Variants in IQCK observed in about 807,000 individuals in gnomAD.
The protein encoded by IQCK is IQ domain-containing protein K.
A neutral mutation model predicts 28.1 loss-of-function variants in IQCK; 29 were observed. The observed-to-expected ratio is 1.03, with a 90% CI of 0.77 to 1.41. IQCK has a LOEUF of 1.41. Ranked by LOEUF, IQCK falls within the 40% of genes most tolerant of loss-of-function variation. IQCK has a pLI of 0.00. For synonymous variants in IQCK, 113 were observed against 115.1 expected (o/e 0.98, Z 0.12); for missense variants, 359 against 314.7 (o/e 1.14, Z -1.07).
At chr16:19,763,864 T>C (rs918228017) in exon 5 of IQCK, 1 of 1,613,658 alleles carries the variant, frequency 6.2e-7, no homozygotes, top group Non-Finnish European at 8.5e-7. Flanking sequence ...AGAACCAAAT[T>C]CATTGCCTGT....
intron 7 of IQCK, among the ~76,000 whole-genome samples, chr16:19,804,271 G>A (rs2055803729): frequency 6.6e-6 from 1 of 151,960 alleles, no homozygotes; most frequent in South Asian, 2.1e-4. Flanking sequence ...TTGAACCTGG[G>A]AGACAGAGGT....
intron 6 of IQCK, chr16:19,765,824 C>A (rs2055226245): frequency 6.6e-6 from 1 of 152,062 alleles, no homozygotes. Flanking sequence ...TTTTCTAAGA[C>A]AAGCTTCTTT....
chr16:19,764,034 G>A lies in IQCK; in HGVS notation c.528-1G>A. On this transcript the variant is annotated splice_acceptor_variant, in intron 5 of 7. Transcript: ENST00000564186. LOFTEE classifies it high-confidence loss of function. ...AATCAAACATATGGCATCATGACCA[G>A]CCAAAATCCAAAGAGGGCAGGGGAG... The A allele has an allele frequency of 6.2e-7, 1 of 1,613,878 alleles. No individual in the cohort carries two copies. The highest frequency in any genetic ancestry group is 8.5e-7 in the Non-Finnish European group (1 of 1,179,802).
chr16:19,746,273 G>A (rs909496792), intron 4 of IQCK, among the ~76,000 whole-genome samples: 5 of 151,590 alleles, frequency 3.3e-5, no homozygotes, highest in African/African-American at 1.2e-4. Context: ...CTTCAGGCAT[G>A]CAATGCGAAA....
chr16:19,849,566 A>G (rs1597612488), intron 9 of IQCK, among the ~76,000 whole-genome samples: 1 of 151,980 alleles, frequency 6.6e-6, no homozygotes, highest in Non-Finnish European at 1.5e-5. Context: ...GTTCGAGACC[A>G]GCCTGGACAA....
rs138488369 is a variant in IQCK, at chr16:19,751,606, C to T, written c.475-12242C>T. 6.2e-4 allele frequency among the ~76,000 whole-genome samples: 94 copies of T among 152,158 alleles called. No homozygotes were observed. In the East Asian group the frequency reaches 0.017, roughly 28 times the overall value. On this transcript the variant is annotated intron_variant, in intron 4 of 7. Coordinates refer to ENST00000564186, the Ensembl canonical transcript of IQCK. ...TAGGCAATGAGAGAAAGAATAAATTCTGTTTTAGGCAGGAGTAGCGAGATG... is the reference window on the plus strand; with the variant it reads ...TAGGCAATGAGAGAAAGAATAAATTTTGTTTTAGGCAGGAGTAGCGAGATG...
chr16:19,819,113 A>G (rs1424765151), intron 7 of IQCK, among the ~76,000 whole-genome samples: 1 of 152,198 alleles, frequency 6.6e-6, no homozygotes, highest in Non-Finnish European at 1.5e-5. Flanking sequence ...GGTGTCCACG[A>G]TGGTGAGTGT....
Position 19,764,029 on chromosome 16 carries a change from G to T in IQCK, c.528-6G>T. 6.2e-7 allele frequency: 1 copy of T among 1,613,818 alleles called. No individual in the cohort carries two copies. The highest frequency in any genetic ancestry group is 1.1e-5 in the South Asian group (1 of 91,012). On this transcript the variant is annotated splice_polypyrimidine_tract_variant and splice_region_variant and intron_variant, in intron 5 of 7. Coordinates refer to ENST00000564186, the Ensembl canonical transcript of IQCK. ...TTGTCAATCAAACATATGGCATCAT[G>T]ACCAGCCAAAATCCAAAGAGGGCAG...
intron 6 of IQCK, among the ~76,000 whole-genome samples, chr16:19,765,722 G>A (rs913706764): frequency 3.2e-4 from 48 of 152,010 alleles, no homozygotes; most frequent in Admixed American, 1.1e-3. Context: ...GAGAAACATA[G>A]GAAAACCTTG....
chr16:19,781,433 G>A (rs555693275), intron 6 of IQCK, among the ~76,000 whole-genome samples: 10 of 152,246 alleles, frequency 6.6e-5, no homozygotes, highest in Middle Eastern at 3.4e-3. Context: ...AGTAATAACC[G>A]CTTGTTGATC....
chr16:19,766,277 G>A (rs551070003), intron 6 of IQCK, among the ~76,000 whole-genome samples: 3 of 152,352 alleles, frequency 2.0e-5, no homozygotes, highest in Admixed American at 2.0e-4. Flanking sequence ...CCTTGGGGTG[G>A]GGGGACATGT....
intron 4 of IQCK, among the ~76,000 whole-genome samples, chr16:19,737,112 T>C (rs1346753687): frequency 6.6e-6 from 1 of 151,668 alleles, no homozygotes; most frequent in Non-Finnish European, 1.5e-5. Context: ...CAGTGTGCCA[T>C]GATCATGCCA....
chr16:19,739,172 C>G (rs901850437), intron 4 of IQCK, among the ~76,000 whole-genome samples: 3 of 152,196 alleles, frequency 2.0e-5, no homozygotes, highest in African/African-American at 7.2e-5. Flanking sequence ...GGCTTCACAT[C>G]TCTCACCCCA....
At chr16:19,766,276 G>T (rs1291210291) in intron 6 of IQCK, among the ~76,000 whole-genome samples, 1 of 152,236 alleles carries the variant, frequency 6.6e-6, no homozygotes, top group East Asian at 1.9e-4. Context: ...CCCTTGGGGT[G>T]GGGGGACATG....
intron 7 of IQCK, among the ~76,000 whole-genome samples, chr16:19,820,630 C>A (rs1302017003): frequency 2.1e-5 from 3 of 140,682 alleles, no homozygotes; most frequent in Non-Finnish European, 4.5e-5. Flanking sequence ...GCCTGGGCAC[C>A]AGAGGGAAAC....
chr16:19,845,428 C>G (rs1348945111), intron 9 of IQCK, among the ~76,000 whole-genome samples: 1 of 152,190 alleles, frequency 6.6e-6, no homozygotes, highest in African/African-American at 2.4e-5. Context: ...GCTGAGAATG[C>G]AGTGATAAAT....
At chr16:19,766,449 T>C (rs1289091059) in intron 6 of IQCK, among the ~76,000 whole-genome samples, 5 of 152,176 alleles carry the variant, frequency 3.3e-5, no homozygotes, top group African/African-American at 9.7e-5. Context: ...CCAGATTTGG[T>C]CCAAGGCAAG....
chr16:19,833,721 C>G (rs775360467), intron 9 of IQCK, among the ~76,000 whole-genome samples: 7 of 152,094 alleles, frequency 4.6e-5, no homozygotes, highest in Non-Finnish European at 1.0e-4. Context: ...ATGACAAATC[C>G]TAGCGATTAG....
At chr16:19,815,197 A>G (rs1369529793) in intron 7 of IQCK, among the ~76,000 whole-genome samples, 1 of 152,168 alleles carries the variant, frequency 6.6e-6, no homozygotes, top group African/African-American at 2.4e-5. Context: ...CCACTCACTA[A>G]TATGACACAA....
Sources: gnomAD v4.1 joint callset for allele counts (sites outside exome capture counted in the v4.1 genomes callset) on GRCh38, gnomAD v4.1.1 for gene constraint, MANE v1.5 for transcripts, NCBI Gene and HGNC (gene_info 2026-07-23, HGNC 2026-07-21) for gene names.